Variants in PRB2 observed in about 807,000 individuals in gnomAD.
PRB2 encodes basic salivary proline-rich protein 2.
PRB2 carries 12 observed loss-of-function variants against 8.3 expected under a neutral mutation model. That is an observed-to-expected ratio of 1.45 (90% CI 0.93 to 2.35). The LOEUF is 2.35. PRB2 is among the 30% of genes most tolerant of loss of function. The pLI is 0.00. For synonymous variants in PRB2, 146 were observed against 180.0 expected (o/e 0.81, Z 1.51); for missense variants, 470 against 507.0 (o/e 0.93, Z 0.70).
intron 3 of PRB2, 63 bp from the exon 4 acceptor site, chr12:11,391,711 C>G (rs1864329046): frequency 2.5e-6 from 1 of 403,614 alleles, no homozygotes; most frequent in Non-Finnish European, 4.9e-6. Context: ...TGTCGAATTC[C>G]TCACTGGTCT....
intron 3 of PRB2, 116 bp from the exon 4 acceptor site, chr12:11,391,764 T>C (rs1864329564): frequency 4.2e-6 from 1 of 240,620 alleles, no homozygotes; most frequent in Admixed American, 5.2e-5. Context: ...TCTCCCCCTA[T>C]CCCTTCTACC....
chr12:11,392,094 G>A (rs1177226868), intron 3 of PRB2, among the ~76,000 whole-genome samples: 9 of 39,890 alleles, frequency 2.3e-4, no homozygotes, highest in African/African-American at 1.1e-3. Context: ...CTTCATAGAC[G>A]TATGTGGAAA....
In PRB2 at chr12:11,394,486, G is replaced by A. The variant is rs373113717; in HGVS notation, c.100+9C>T. On this transcript the variant is annotated intron_variant, in intron 2 of 3. Coordinates refer to ENST00000389362, the MANE Select transcript of PRB2 (RefSeq NM_006248.4). ...AGTCAGAACAGATTGAGAATGAATCGGGATTTACCTGCTATTAGGGAGGGA... is the reference window on the plus strand; with the variant it reads ...AGTCAGAACAGATTGAGAATGAATCAGGATTTACCTGCTATTAGGGAGGGA... 3.5e-5 allele frequency: 56 copies of A among 1,612,330 alleles called. No homozygotes were observed. Among genetic ancestry groups the A allele is most frequent in the African/African-American group, 6.7e-5 (5 of 74,868 alleles).
At chr12:11,394,570 T>G in intron 1 of PRB2, 40 bp from the exon 2 acceptor site, 1 of 1,607,132 alleles carries the variant, frequency 6.2e-7, no homozygotes, top group Non-Finnish European at 8.5e-7. Context: ...AGTTACATCT[T>G]GAACCTTACA....
Position 11,393,314 on chromosome 12 carries a change from C to T in PRB2, c.764G>A (p.Gly255Asp), listed in dbSNP as rs529295562. Residue 255 changes from glycine to aspartate, a missense_variant, in exon 3 of 4, where the codon GGT (glycine) becomes GAT (aspartate). Physicochemically the swap from Gly to Asp is moderately conservative, Grantham distance 94. Around this residue, in one of 4 missense-constraint regions of PRB2, gnomAD observed 205 missense variants for 195.0 expected, o/e 1.05. Transcript: ENST00000389362. ...PPPQGGNQPQ[G>D]PPPPPGKPQG... ...TGGCTTTCCTGGAGGAGGTGGGGGA[C>T]CTTGGGGCTGGTTGCCTCCTTGTGG... is the stretch of plus-strand genomic sequence containing the variant. The T allele has an allele frequency of 2.6e-6, 4 of 1,515,608 alleles. No individual in the cohort carries two copies. Among genetic ancestry groups the T allele is most frequent in the African/African-American group, 2.2e-5 (1 of 46,402 alleles). 93.9% of individuals were successfully genotyped at this position (1,515,608 alleles called of 1,614,324 possible). A position where few individuals can be genotyped will look rare whatever the true frequency, so the allele number is the denominator to read the frequency against.
intron 2 of PRB2, among the ~76,000 whole-genome samples, chr12:11,394,282 C>T (rs1329105507): frequency 6.6e-6 from 1 of 152,154 alleles, no homozygotes; most frequent in Non-Finnish European, 1.5e-5. Flanking sequence ...CCCACTCCTG[C>T]TGTCATCTAA....
At chr12:11,394,599 C>T in intron 1 of PRB2, 69 bp from the exon 2 acceptor site, 3 of 1,569,264 alleles carry the variant, frequency 1.9e-6, no homozygotes, top group Non-Finnish European at 2.6e-6. Context: ...AAGTGTTCTA[C>T]AGGGAAAACA....
Position 11,392,980 on chromosome 12 carries a change from T to C in PRB2, c.1098A>G (p.Pro366=), listed in dbSNP as rs374448882. The C allele has an allele frequency of 3.1e-6, 5 of 1,612,680 alleles. No homozygotes were observed. Among genetic ancestry groups the C allele is most frequent in the Non-Finnish European group, 3.4e-6 (4 of 1,179,656 alleles). Residue 366 remains proline, a synonymous_variant, in exon 3 of 4, where the codon CCA becomes CCG. Transcript: ENST00000389362. ...TGCCTTCTTGTTGGGGTGGTCCTTGTGGCTTTCCTGGAGGAGATCGGGCAC... is the reference window on the plus strand; with the variant it reads ...TGCCTTCTTGTTGGGGTGGTCCTTGCGGCTTTCCTGGAGGAGATCGGGCAC... ...SRSARSPPGK[P]QGPPQQEGNN...
At chr12:11,394,575 C>T (rs761824779) in intron 1 of PRB2, 45 bp from the exon 2 acceptor site, 1 of 1,601,258 alleles carries the variant, frequency 6.2e-7, no homozygotes, top group Non-Finnish European at 8.6e-7. Flanking sequence ...CATCTTGAAC[C>T]TTACAAGACT....
chr12:11,394,509 G>A lies in PRB2; in HGVS notation c.86C>T (p.Pro29Leu), dbSNP rs763049442. 39 of 1,613,364 alleles carry A rather than the reference G, an allele frequency of 2.4e-5. No individual in the cohort carries two copies. The highest frequency in any genetic ancestry group is 3.0e-5 in the Non-Finnish European group (35 of 1,179,450). Residue 29 changes from proline to leucine, a missense_variant, in exon 2 of 4, where the codon CCC becomes CTC. Coordinates refer to ENST00000389362, the MANE Select transcript of PRB2 (RefSeq NM_006248.4). Reference protein sequence around the residue: ...LNEDVSQEESPSLIAGNPQGA... With the variant: ...LNEDVSQEESLSLIAGNPQGA... ...TCGGGATTTACCTGCTATTAGGGAG[G>A]GAGATTCTTCCTGGCTGACATCTAG...
At position 11,393,913 on chromosome 12, in the gene PRB2, T is replaced by C; in HGVS notation, c.165A>G (p.Gly55=). 6.7e-7 allele frequency: 1 copy of C among 1,486,206 alleles called. No homozygotes were observed. Among genetic ancestry groups the C allele is most frequent in the South Asian group, 1.2e-5 (1 of 84,460 alleles). The allele number at this position is 1,486,206 out of a possible 1,614,324, so 92.1% of individuals were successfully genotyped here. A position where few individuals can be genotyped will look rare whatever the true frequency, so the allele number is the denominator to read the frequency against. Residue 55 remains glycine, a synonymous_variant, in exon 3 of 4, where the codon GGA becomes GGG. Transcript: ENST00000389362. ...NKPQGPPSPP[G]KPQGPPPQGG... ...CTTGTGGGGGTGGTCCTTGTGGCTT[T>C]CCTGGAGGAGATGGGGGACCTTGAG...
At chr12:11,394,083 AAC>A (rs1390970009) in intron 2 of PRB2, 106 bp from the exon 3 acceptor site, 26 of 1,439,974 alleles carry the variant, frequency 1.8e-5, no homozygotes, top group Non-Finnish European at 2.2e-5. Context: ...TGAGTGGGGA[AAC>A]ACACAAAAAT....
intron 1 of PRB2, among the ~76,000 whole-genome samples, chr12:11,394,743 A>G (rs1864384398): frequency 6.6e-6 from 1 of 152,138 alleles, no homozygotes; most frequent in Admixed American, 6.5e-5. Flanking sequence ...CTCAACATAG[A>G]AGAGCCCCTT....
intron 3 of PRB2, 31 bp from the exon 4 acceptor site, chr12:11,391,679 C>A: frequency 2.4e-6 from 1 of 424,452 alleles, no homozygotes; most frequent in East Asian, 7.2e-5. Context: ...AGTTCATAGA[C>A]CAGACTTGAC....
chr12:11,394,414 G>C (rs890230559), intron 2 of PRB2, 81 bp downstream of exon 2: 5 of 1,508,438 alleles, frequency 3.3e-6, no homozygotes, highest in Non-Finnish European at 4.6e-6. Context: ...GGAAAGTTTT[G>C]ATAAGAAGAC....
At position 11,394,491 on chromosome 12, in the gene PRB2, T is replaced by C. The variant is rs1158140764; in HGVS notation, c.100+4A>G. The C allele has an allele frequency of 1.2e-6, 2 of 1,612,732 alleles. No homozygotes were observed. The highest frequency in any genetic ancestry group is 3.3e-5 in the Admixed American group (2 of 60,024). ...GAACAGATTGAGAATGAATCGGGAT[T>C]TACCTGCTATTAGGGAGGGAGATTC... On this transcript the variant is annotated splice_donor_region_variant and intron_variant, in intron 2 of 3. Coordinates refer to ENST00000389362, the MANE Select transcript of PRB2 (RefSeq NM_006248.4).
rs201392419 is a variant in PRB2 at position 11,393,528 on chromosome 12, G to A, written c.550C>T (p.Pro184Ser). 4.5e-6 allele frequency: 7 copies of A among 1,571,882 alleles called. No homozygotes were observed. The highest frequency in any genetic ancestry group is 1.1e-5 in the South Asian group (1 of 88,382). The change falls in exon 3 of 4, where the codon CCC (proline) becomes TCC (serine). Residue 184 changes from proline to serine, a missense_variant. Physicochemically the swap from Pro to Ser is moderately conservative, Grantham distance 74. This residue lies in a region of PRB2 where 37 missense variants were observed against 66.0 expected (regional missense o/e 0.56). Transcript: ENST00000389362. The part of the protein sequence containing the change: ...RSPPGKPQGP[P>S]PQGGNQPQGP... ...TGGGGCTGGTTGCCTCCTTGTGGGG[G>A]TGGTCCTTGTGGCTTTCCTGGAGGA...
chr12:11,393,997 G>A lies in PRB2; in HGVS notation c.101-20C>T, dbSNP rs754470608. On this transcript the variant is annotated intron_variant, in intron 2 of 3. Coordinates refer to ENST00000389362, the MANE Select transcript of PRB2 (RefSeq NM_006248.4). ...GATTTCCTGGAGAACAAAGAGAGAA[G>A]AGAAAGACAGAGTAAAAGCCCATAC... 70 of 1,613,716 alleles carry A rather than the reference G, an allele frequency of 4.3e-5. No individual in the cohort carries two copies. Among genetic ancestry groups the A allele is most frequent in the Non-Finnish European group, 5.9e-5 (70 of 1,179,738 alleles).
At position 11,392,899 on chromosome 12, in the gene PRB2, T is replaced by C. The variant is rs1248724292; in HGVS notation, c.1179A>G (p.Ala393=). Residue 393 remains alanine (A), a synonymous_variant, in exon 3 of 4, where the codon GCA becomes GCG. Transcript: ENST00000389362. The part of the protein sequence containing the change: ...PAGGNPQQPQ[A]PPAGQPQGPP... ...GTCCCTGGGGCTGTCCAGCAGGAGG[T>C]GCCTGAGGCTGCTGGGGATTGCCTC... 6.3e-7 allele frequency: 1 copy of C among 1,599,226 alleles called. No individual in the cohort carries two copies. Among genetic ancestry groups the C allele is most frequent in the Non-Finnish European group, 8.5e-7 (1 of 1,175,070 alleles).
Sources: gnomAD v4.1 joint callset for allele counts (sites outside exome capture counted in the v4.1 genomes callset) on GRCh38, gnomAD v4.1.1 for gene constraint, gnomAD v4.1.1 regional missense constraint, MANE v1.5 for transcripts, NCBI Gene and HGNC (gene_info 2026-07-23, HGNC 2026-07-21) for gene names.